DLG5: variants seen among roughly 807,000 people sequenced by gnomAD.
The protein encoded by DLG5 is discs large MAGUK scaffold protein 5.
Under a neutral mutation model 189.8 loss-of-function variants are expected in DLG5, and 48 were observed. The ratio of observed to expected loss-of-function variants is 0.25; its 90% CI spans 0.20 to 0.32. The LOEUF (loss-of-function observed/expected upper bound fraction) is 0.32, where lower values mean the gene tolerates loss of function less well. Ranked by LOEUF, DLG5 falls within the 10% of genes least tolerant of loss-of-function variation. The pLI, the probability that DLG5 is intolerant of heterozygous loss-of-function variation, is 1.00. For missense variants in DLG5, 2,160 were observed against 2,544.7 expected (o/e 0.85, Z 3.25); for synonymous variants, 1,016 against 1,054.1 (o/e 0.96, Z 0.70).
chr10:77,866,324 G>A lies in DLG5; in HGVS notation c.373+2805C>T, dbSNP rs922210382. ...CTATTAAGCTGTAGAAACCCTCAGC[G>A]TTTCTGATGCAGCAGGGGTGGGAGG... On this transcript the variant is annotated intron_variant, in intron 2 of 31. Coordinates refer to ENST00000372391, the MANE Select transcript of DLG5 (RefSeq NM_004747.4). 5.9e-5 allele frequency among the ~76,000 whole-genome samples: 9 copies of A among 152,206 alleles called. No homozygotes were observed. In the South Asian group the frequency reaches 1.0e-3, roughly 17 times the overall value.
At chr10:77,879,866 G>A (rs1307366502) in intron 1 of DLG5, among the ~76,000 whole-genome samples, 1 of 151,992 alleles carries the variant, frequency 6.6e-6, no homozygotes, top group Non-Finnish European at 1.5e-5. Flanking sequence ...CATGCGTGAG[G>A]TGCCTACAGA....
At chr10:77,931,546 C>T (rs925199087), upstream of DLG5, among the ~76,000 whole-genome samples, 1 of 151,976 alleles carries the variant, frequency 6.6e-6, no homozygotes, top group African/African-American at 2.4e-5. Context: ...CACCATGCCC[C>T]ACCTATAATC....
chr10:77,931,826 A>G, the DLG5 span, among the ~76,000 whole-genome samples: 3 of 152,144 alleles, frequency 2.0e-5, no homozygotes, highest in Non-Finnish European at 4.4e-5. Context: ...CTCACTGGCT[A>G]TGTATCCTGG....
In DLG5 at chr10:77,897,567, T is replaced by C. The variant is rs1194715292; in HGVS notation, c.305-28370A>G. On this transcript the variant is annotated intron_variant, in intron 1 of 31. Coordinates refer to ENST00000372391, the MANE Select transcript of DLG5 (RefSeq NM_004747.4). ...AAAAAATCTGGTTGGCTCATGCCTG[T>C]AAGCCCAGCACTTTGGGAGACCGAG... Among the ~76,000 whole-genome samples the C allele has an allele frequency of 2.0e-5, 3 of 151,618 alleles. No homozygotes were observed. In the East Asian group the frequency reaches 5.9e-4, roughly 30 times the overall value.
chr10:77,867,194 T>A (rs1043209704), intron 2 of DLG5: 4 of 410,916 alleles, frequency 9.7e-6, no homozygotes, highest in Admixed American at 2.6e-5. Context: ...AATATCTTCC[T>A]ACTCAGGCTG....
chr10:77,818,545 C>T (rs1014754617), intron 17 of DLG5, among the ~76,000 whole-genome samples: 1 of 152,196 alleles, frequency 6.6e-6, no homozygotes, highest in Non-Finnish European at 1.5e-5. Flanking sequence ...CAAGCTCCCA[C>T]GACTGTGCCT....
intron 1 of DLG5, among the ~76,000 whole-genome samples, chr10:77,910,236 C>T (rs978439768): frequency 3.6e-4 from 55 of 152,118 alleles, no homozygotes; most frequent in African/African-American, 1.2e-4. Flanking sequence ...CCTGCAGTAC[C>T]GAGTAAAGGT....
In DLG5 at chr10:77,870,941, C is replaced by A. The variant is rs368031910; in HGVS notation, c.305-1744G>T. 1.4e-4 allele frequency among the ~76,000 whole-genome samples: 21 copies of A among 151,746 alleles called. 3 individuals carry two copies. The highest frequency in any genetic ancestry group is 7.8e-4 in the East Asian group (4 of 5,148). ...GACTGCAGGCAGGCGAGCTAGCAGG[C>A]GTGTCCATCAGAAAAAGAGATGAAG... On this transcript the variant is annotated intron_variant, in intron 1 of 31. Coordinates refer to ENST00000372391, the MANE Select transcript of DLG5 (RefSeq NM_004747.4).
chr10:77,874,809 A>G (rs1435096415), intron 1 of DLG5, among the ~76,000 whole-genome samples: 2 of 152,210 alleles, frequency 1.3e-5, no homozygotes, highest in Non-Finnish European at 2.9e-5. Context: ...TGGTGTTATT[A>G]TGGTCAGTCC....
chr10:77,844,994 A>G (rs1180855304), intron 5 of DLG5, among the ~76,000 whole-genome samples: 1 of 152,010 alleles, frequency 6.6e-6, no homozygotes, highest in Admixed American at 6.6e-5. Context: ...GACCTGGAGA[A>G]GTGGGTGTGG....
Position 77,833,815 on chromosome 10 carries a change from G to A in DLG5, c.1748+99C>T, listed in dbSNP as rs1376456596. 5 of 1,519,436 alleles carry A rather than the reference G, an allele frequency of 3.3e-6. No individual in the cohort carries two copies. The East Asian group carries it at 1.1e-4, about 34-fold the overall frequency. 94.1% of individuals were successfully genotyped at this position (1,519,436 alleles called of 1,614,324 possible). A position where few individuals can be genotyped will look rare whatever the true frequency, so the allele number is the denominator to read the frequency against. On this transcript the variant is annotated intron_variant, in intron 9 of 31. Coordinates refer to ENST00000372391, the MANE Select transcript of DLG5 (RefSeq NM_004747.4). ...AGCCAGCTCGACGCAGAAGGATGAG[G>A]CCCTGGCCAATGCACTCAGCATTGC...
chr10:77,833,042 C>T (rs532572571), intron 9 of DLG5, among the ~76,000 whole-genome samples: 3 of 152,144 alleles, frequency 2.0e-5, no homozygotes, highest in South Asian at 2.1e-4. Flanking sequence ...CACTCACACA[C>T]GAGCTTCTCA....
intron 5 of DLG5, among the ~76,000 whole-genome samples, chr10:77,848,255 C>G (rs2154576517): frequency 6.6e-6 from 1 of 152,238 alleles, no homozygotes; most frequent in East Asian, 1.9e-4. Context: ...TAAGGGATGC[C>G]CTTCAGCAAC....
At chr10:77,906,328 G>A (rs1334221257) in intron 1 of DLG5, among the ~76,000 whole-genome samples, 2 of 152,238 alleles carry the variant, frequency 1.3e-5, no homozygotes, top group Non-Finnish European at 1.5e-5. Flanking sequence ...TCGAGCTCAA[G>A]GTTGTGTTCC....
intron 14 of DLG5, among the ~76,000 whole-genome samples, chr10:77,822,941 G>A (rs1029906173): frequency 6.6e-6 from 1 of 152,110 alleles, no homozygotes; most frequent in Non-Finnish European, 1.5e-5. Context: ...GGGAGCATAG[G>A]GAATTTTTAG....
upstream of DLG5, chr10:77,927,959 T>G (rs1002530497): frequency 2.6e-5 from 4 of 151,564 alleles, no homozygotes; most frequent in African/African-American, 9.7e-5. Context: ...TGAGAGGCAC[T>G]TTGTCTACCC....
At chr10:77,935,563 G>C in the DLG5 span, among the ~76,000 whole-genome samples, 1 of 136,470 alleles carries the variant, frequency 7.3e-6, no homozygotes, top group Non-Finnish European at 1.6e-5. Flanking sequence ...TGGAGAAACA[G>C]ATCCTGGCGG....
intron 5 of DLG5, among the ~76,000 whole-genome samples, chr10:77,852,606 G>T (rs113259011): frequency 0.088 from 13,403 of 151,934 alleles, 1,960 homozygotes; most frequent in African/African-American, 0.31. Flanking sequence ...TAGTAGAGAT[G>T]GGGTTTCGCC....
rs540450537 is a variant in DLG5, at chr10:77,863,060, T to C, written c.373+6069A>G. ...TACAAAAAATACATTTTACTGTATG[T>C]AAATTATATCTCAATGAACATAACC... On this transcript the variant is annotated intron_variant, in intron 2 of 31. Coordinates refer to ENST00000372391, the MANE Select transcript of DLG5 (RefSeq NM_004747.4). 5.9e-5 allele frequency among the ~76,000 whole-genome samples: 9 copies of C among 152,300 alleles called. No individual in the cohort carries two copies. In the East Asian group the frequency reaches 1.7e-3, roughly 29 times the overall value.
Sources: allele counts gnomAD v4.1 joint callset (sites outside exome capture counted in the v4.1 genomes callset), GRCh38; gene constraint gnomAD v4.1.1; transcripts MANE v1.5; gene names NCBI Gene and HGNC (gene_info 2026-07-23, HGNC 2026-07-21).